The following PTPRD variants were observed in gnomAD, a reference collection of about 807,000 sequenced individuals.
The protein encoded by PTPRD is receptor-type tyrosine-protein phosphatase delta.
Under a neutral mutation model 214.5 loss-of-function variants are expected in PTPRD, and 34 were observed. The observed-to-expected ratio is 0.16, with a 90% CI of 0.12 to 0.21. The LOEUF (loss-of-function observed/expected upper bound fraction) is 0.21. PTPRD is among the 10% of genes least tolerant of loss of function. PTPRD has a pLI of 1.00. For missense variants in PTPRD, 2,545 were observed against 2,398.7 expected (o/e 1.06, Z -1.27); for synonymous variants, 1,128 against 845.7 (o/e 1.33, Z -5.79).
intron 5 of PTPRD, among the ~76,000 whole-genome samples, chr9:9,884,774 A>G (rs1444779711): frequency 6.6e-6 from 1 of 152,116 alleles, no homozygotes; most frequent in African/African-American, 2.4e-5. Flanking sequence ...ATGGTTTTAT[A>G]AGGGGCTTTT....
At position 9,834,432 on chromosome 9, in the gene PTPRD, G is replaced by C. The variant is rs531653410; in HGVS notation, c.-367-67581C>G. Among the ~76,000 whole-genome samples the C allele has an allele frequency of 5.8e-4, 88 of 151,982 alleles. 1 individual carries two copies. The highest frequency in any genetic ancestry group is 9.9e-4 in the Non-Finnish European group (67 of 67,980). ...TGAACTCCACAAATTCACCAATCAGGGTGAAAGTTTATAGTGGTCAGGTGA... is the reference window on the plus strand; with the variant it reads ...TGAACTCCACAAATTCACCAATCAGCGTGAAAGTTTATAGTGGTCAGGTGA... On this transcript the variant is annotated intron_variant, in intron 5 of 45. Coordinates refer to ENST00000381196, the MANE Select transcript of PTPRD (RefSeq NM_002839.4).
chr9:10,142,586 C>T (rs572967219), intron 3 of PTPRD, among the ~76,000 whole-genome samples: 1 of 151,298 alleles, frequency 6.6e-6, no homozygotes, highest in African/African-American at 2.4e-5. Flanking sequence ...TACCATTTCA[C>T]ACCAGTTAGA....
intron 10 of PTPRD, among the ~76,000 whole-genome samples, chr9:9,180,378 G>A (rs533589381): frequency 8.9e-5 from 13 of 146,374 alleles, no homozygotes; most frequent in Non-Finnish European, 1.5e-4. Flanking sequence ...ATTCTCACTC[G>A]TAGGTGGGAA....
At chr9:9,170,565 A>G (rs373167730) in intron 10 of PTPRD, among the ~76,000 whole-genome samples, 48 of 152,234 alleles carry the variant, frequency 3.2e-4, no homozygotes, top group African/African-American at 1.1e-3. Flanking sequence ...TCCAGTTGTG[A>G]ATTATATTAA....
chr9:10,150,894 C>G (rs549852778), intron 3 of PTPRD, among the ~76,000 whole-genome samples: 1 of 151,870 alleles, frequency 6.6e-6, no homozygotes, highest in Non-Finnish European at 1.5e-5. Flanking sequence ...TCCCCAAATT[C>G]TCTTAAAAAT....
intron 5 of PTPRD, among the ~76,000 whole-genome samples, chr9:9,859,189 T>C (rs1217366047): frequency 6.6e-6 from 1 of 152,214 alleles, no homozygotes; most frequent in Non-Finnish European, 1.5e-5. Context: ...CCTTCTGCCG[T>C]GATTGTAAGT....
At chr9:8,612,137 CAAAAGGAAAG>C (rs2095475587) in intron 14 of PTPRD, among the ~76,000 whole-genome samples, 2 of 151,444 alleles carry the variant, frequency 1.3e-5, no homozygotes, top group Admixed American at 1.3e-4. Context: ...CAAAACAAAA[CAAAAGGAAAG>C]GAAGCAGGAA....
chr9:10,482,138 C>A (rs2208709), intron 2 of PTPRD, among the ~76,000 whole-genome samples: 117,560 of 151,796 alleles, frequency 0.77, 47,988 homozygotes, highest in East Asian at 0.99. Flanking sequence ...TTGGGAGGCC[C>A]AGGCGGGAGA....
chr9:10,550,508 T>G (rs1304421572), intron 2 of PTPRD, among the ~76,000 whole-genome samples: 1 of 152,110 alleles, frequency 6.6e-6, no homozygotes, highest in East Asian at 1.9e-4. Context: ...CAAATGGAAA[T>G]CAATCTTTTT....
chr9:8,354,181 T>C (rs2076393329), intron 39 of PTPRD, among the ~76,000 whole-genome samples: 1 of 151,886 alleles, frequency 6.6e-6, no homozygotes. Flanking sequence ...TCCTTATTCT[T>C]TTTTTCACTT....
chr9:9,040,888 T>C (rs185146201), intron 10 of PTPRD, among the ~76,000 whole-genome samples: 1 of 152,142 alleles, frequency 6.6e-6, no homozygotes, highest in African/African-American at 2.4e-5. Context: ...ATTTTTTCAG[T>C]GCTAAAGAAG....
At chr9:10,371,948 C>T (rs997878227) in intron 2 of PTPRD, among the ~76,000 whole-genome samples, 1 of 151,962 alleles carries the variant, frequency 6.6e-6, no homozygotes, top group African/African-American at 2.4e-5. Context: ...ATGGAAATGA[C>T]CCAACTACTT....
At chr9:8,723,479 T>C (rs1183736705) in intron 12 of PTPRD, among the ~76,000 whole-genome samples, 2 of 152,198 alleles carry the variant, frequency 1.3e-5, no homozygotes, top group South Asian at 2.1e-4. Flanking sequence ...GCACTGCTCC[T>C]TTCTCCACAA....
intron 9 of PTPRD, among the ~76,000 whole-genome samples, chr9:9,379,486 G>A (rs951676252): frequency 4.0e-5 from 6 of 151,674 alleles, no homozygotes; most frequent in African/African-American, 1.2e-4. Flanking sequence ...CTCCAACTTT[G>A]TTCTTCTCCT....
At chr9:9,205,531 A>G (rs1299047901) in intron 9 of PTPRD, among the ~76,000 whole-genome samples, 1 of 152,216 alleles carries the variant, frequency 6.6e-6, no homozygotes, top group Non-Finnish European at 1.5e-5. Context: ...GTTTTCCCAT[A>G]GAAACTTGAA....
At chr9:10,486,662 GAGA>G in intron 2 of PTPRD, among the ~76,000 whole-genome samples, 1 of 152,292 alleles carries the variant, frequency 6.6e-6, no homozygotes, top group South Asian at 2.1e-4. Flanking sequence ...ATTGTAGTCA[GAGA>G]AGATGCCTGA....
At chr9:10,495,261 T>C (rs2041695089) in intron 2 of PTPRD, among the ~76,000 whole-genome samples, 1 of 151,744 alleles carries the variant, frequency 6.6e-6, no homozygotes, top group Non-Finnish European at 1.5e-5. Flanking sequence ...GGTACTCTAC[T>C]GATGAAACAT....
rs1390750811 is a variant in PTPRD at position 8,590,468 on chromosome 9, G to C, written c.352+42849C>G. On this transcript the variant is annotated intron_variant, in intron 14 of 45. Coordinates refer to ENST00000381196, the MANE Select transcript of PTPRD (RefSeq NM_002839.4). ...AACCAATCAAGTTTTACATGCCTTA[G>C]TCTCTTTCACTTATGGGTGATAGGA... is the stretch of plus-strand genomic sequence containing the variant. Among the ~76,000 whole-genome samples, 3 of 152,090 alleles carry C rather than the reference G, an allele frequency of 2.0e-5. No individual in the cohort carries two copies. In the East Asian group the frequency reaches 5.8e-4, roughly 29 times the overall value.
At chr9:8,525,152 C>A (rs1364770904) in intron 17 of PTPRD, 117 bp from the exon 18 acceptor site, 2 of 836,358 alleles carry the variant, frequency 2.4e-6, no homozygotes, top group Non-Finnish European at 4.2e-6. Flanking sequence ...CACTCAACGT[C>A]GATTCAATCT....
Sources: gnomAD v4.1 joint callset for allele counts (sites outside exome capture counted in the v4.1 genomes callset) on GRCh38, gnomAD v4.1.1 for gene constraint, MANE v1.5 for transcripts, NCBI Gene and HGNC (gene_info 2026-07-23, HGNC 2026-07-21) for gene names.